The following NINL variants were observed in gnomAD, a reference collection of about 807,000 sequenced individuals.
NINL encodes the protein ninein-like protein.
In NINL, 153 loss-of-function variants were observed where a neutral mutation model predicts 160.3. The ratio of observed to expected loss-of-function variants is 0.95; its 90% CI spans 0.84 to 1.09. The LOEUF is 1.09. Ranked by LOEUF, NINL falls within the 50% of genes least tolerant of loss-of-function variation. The pLI is 0.00. For missense variants in NINL, 1,829 were observed against 1,764.0 expected, an observed-to-expected ratio of 1.04 and a Z score of -0.66; for synonymous variants, 800 against 734.8, an observed-to-expected ratio of 1.09 and a Z score of -1.43.
chr20:25,495,729 G>C (rs949541124), intron 10 of NINL, among the ~76,000 whole-genome samples: 2 of 152,208 alleles, frequency 1.3e-5, no homozygotes, highest in Non-Finnish European at 2.9e-5. Context: ...GCAGACATGT[G>C]CCCCACCAAT....
At chr20:25,467,303 C>T (rs1428510690) in intron 19 of NINL, 86 bp downstream of exon 19, 5 of 1,187,870 alleles carry the variant, frequency 4.2e-6, no homozygotes, top group Admixed American at 1.7e-5. Flanking sequence ...ATATTCTCTA[C>T]TTCCTTTTGT....
chr20:25,538,551 G>A (rs929146389), intron 1 of NINL, among the ~76,000 whole-genome samples: 3 of 152,228 alleles, frequency 2.0e-5, no homozygotes, highest in Non-Finnish European at 2.9e-5. Context: ...GGGCAGACAT[G>A]GTCCTAGGCT....
intron 1 of NINL, among the ~76,000 whole-genome samples, chr20:25,545,360 A>G (rs2064718935): frequency 1.3e-5 from 2 of 152,176 alleles, no homozygotes; most frequent in South Asian, 4.1e-4. Context: ...TGTAATCAAC[A>G]TTATCAGTGT....
In NINL at chr20:25,573,857, C is replaced by T. The variant is rs139661897; in HGVS notation, c.-12+11598G>A. On this transcript the variant is annotated intron_variant, in intron 1 of 23. Transcript: ENST00000278886. ...GAGACCTGAAAAGTTTCCAACATGGCGGTGACTAGGGACCCTGGAGCAGAC... is the reference window on the plus strand; with the variant it reads ...GAGACCTGAAAAGTTTCCAACATGGTGGTGACTAGGGACCCTGGAGCAGAC... 2.7e-3 allele frequency among the ~76,000 whole-genome samples: 417 copies of T among 152,272 alleles called. 1 individual carries two copies. The highest frequency in any genetic ancestry group is 8.8e-3 in the African/African-American group (365 of 41,558).
At chr20:25,562,200 G>A (rs1384357230) in intron 1 of NINL, among the ~76,000 whole-genome samples, 87 of 132,036 alleles carry the variant, frequency 6.6e-4, no homozygotes, top group African/African-American at 2.4e-3. Flanking sequence ...CCGGCCAGCC[G>A]CCCCGTCCGG....
chr20:25,480,976 G>A (rs1276625029), intron 14 of NINL, among the ~76,000 whole-genome samples: 1 of 152,178 alleles, frequency 6.6e-6, no homozygotes, highest in East Asian at 1.9e-4. Context: ...AGCTGTTGGG[G>A]TGGCGCCTCA....
intron 13 of NINL, among the ~76,000 whole-genome samples, chr20:25,483,196 T>C (rs2063432917): frequency 6.6e-6 from 1 of 151,496 alleles, no homozygotes; most frequent in African/African-American, 2.4e-5. Context: ...TAGCCAGGCG[T>C]GGTGGTGGGC....
rs1357184820 is a variant in NINL, at chr20:25,476,293, G to A, written c.2998C>T (p.Arg1000Trp). 8 of 1,613,266 alleles carry A rather than the reference G, an allele frequency of 5.0e-6. No individual in the cohort carries two copies. The Admixed American group carries it at 5.0e-5, about 10-fold the overall frequency. ...CCAGGCTCCAGGGCGCCCTCGGCCCGGGCCTGCTGCTCCGAGGCCTGCTCC... is the reference window on the plus strand; with the variant it reads ...CCAGGCTCCAGGGCGCCCTCGGCCCAGGCCTGCTGCTCCGAGGCCTGCTCC... ...TQEQASEQQA[R>W]AEGALEPGCH... is the part of the protein sequence containing the mutation. Residue 1000 changes from arginine to tryptophan, a missense_variant, in exon 17 of 24, where the codon CGG (arginine) becomes TGG (tryptophan). Arg to Trp is a moderately radical substitution (Grantham distance 101). Transcript: ENST00000278886.
Position 25,462,523 on chromosome 20 carries a change from G to T in NINL, c.3442C>A (p.Gln1148Lys). The change falls in exon 20 of 24, where the codon CAA becomes AAA. Residue 1148 changes from glutamine (Q) to lysine (K), a missense_variant. Gln to Lys is a moderately conservative substitution (Grantham distance 53). Coordinates refer to ENST00000278886, the MANE Select transcript of NINL (RefSeq NM_025176.6). ...ACCCTGACATTGAGCTGGGATAATT[G>T]ATCCTTGTAGTTCTGATTCTGGGGG... ...LNRQNQNYKD[Q>K]LSQLNVRVLQ... is the part of the protein sequence containing the mutation. 1 of 1,613,370 alleles carries T rather than the reference G, an allele frequency of 6.2e-7. No individual in the cohort carries two copies. Among genetic ancestry groups the T allele is most frequent in the Non-Finnish European group, 8.5e-7 (1 of 1,179,860 alleles).
chr20:25,496,277 C>A (rs530434567), intron 10 of NINL, among the ~76,000 whole-genome samples: 25 of 152,376 alleles, frequency 1.6e-4, no homozygotes, highest in African/African-American at 4.8e-4. Flanking sequence ...CTTCTCTGGG[C>A]TCCTTCTACC....
intron 11 of NINL, among the ~76,000 whole-genome samples, 155 bp from the exon 12 acceptor site, chr20:25,490,140 T>C (rs1015780983): frequency 9.2e-5 from 14 of 152,206 alleles, no homozygotes; most frequent in Non-Finnish European, 1.6e-4. Context: ...CAGGCGGCTG[T>C]GCCGGGGATG....
At position 25,458,367 on chromosome 20, in the gene NINL, C is replaced by T. The variant is rs777763951; in HGVS notation, c.3843+16G>A. Reference sequence around the variant, plus strand: ...TCCTCATCTCGTCAGCCATCTCTCGCTGCATCCCCACTTACCCGCTGTGCA... The same window carrying T: ...TCCTCATCTCGTCAGCCATCTCTCGTTGCATCCCCACTTACCCGCTGTGCA... On this transcript the variant is annotated intron_variant, in intron 22 of 23. Coordinates refer to ENST00000278886, the MANE Select transcript of NINL (RefSeq NM_025176.6). 11 of 1,604,804 alleles carry T rather than the reference C, an allele frequency of 6.9e-6. No individual in the cohort carries two copies. In the South Asian group the frequency reaches 1.2e-4, roughly 18 times the overall value.
chr20:25,527,213 G>A (rs750598691), intron 1 of NINL, among the ~76,000 whole-genome samples: 2 of 151,716 alleles, frequency 1.3e-5, no homozygotes, highest in Non-Finnish European at 2.9e-5. Context: ...GAGTGCAGTA[G>A]CGTAATCTCA....
chr20:25,585,132 G>A (rs534432757), intron 1 of NINL, among the ~76,000 whole-genome samples: 1 of 152,154 alleles, frequency 6.6e-6, no homozygotes, highest in Admixed American at 6.5e-5. Flanking sequence ...GCCTCAGGCC[G>A]AGCCTTGGGG....
intron 8 of NINL, among the ~76,000 whole-genome samples, chr20:25,500,537 A>T (rs975231711): frequency 6.6e-6 from 1 of 152,216 alleles, no homozygotes; most frequent in African/African-American, 2.4e-5. Flanking sequence ...CTTTCCATTC[A>T]TCTAACCTCC....
intron 10 of NINL, among the ~76,000 whole-genome samples, chr20:25,495,077 C>T (rs1207700869): frequency 6.6e-6 from 1 of 152,134 alleles, no homozygotes; most frequent in Non-Finnish European, 1.5e-5. Context: ...GAGGCGACCC[C>T]TGGTGCACAC....
intron 12 of NINL, 149 bp downstream of exon 12, chr20:25,489,726 G>A: frequency 6.1e-6 from 4 of 654,486 alleles, no homozygotes; most frequent in Non-Finnish European, 1.1e-5. Context: ...GCAGAGGGAA[G>A]GCCTCATGCT....
intron 1 of NINL, among the ~76,000 whole-genome samples, chr20:25,553,338 G>A (rs1366114310): frequency 2.0e-5 from 3 of 152,030 alleles, no homozygotes; most frequent in Non-Finnish European, 2.9e-5. Context: ...AAATCCAAAG[G>A]TTGGGGAAAT....
At chr20:25,487,165 G>A (rs893552594) in intron 13 of NINL, among the ~76,000 whole-genome samples, 2 of 152,146 alleles carry the variant, frequency 1.3e-5, no homozygotes, top group African/African-American at 2.4e-5. Context: ...ATCATCACCC[G>A]TTCATATAGC....
Sources: gnomAD v4.1 joint callset for allele counts (sites outside exome capture counted in the v4.1 genomes callset) on GRCh38, gnomAD v4.1.1 for gene constraint, MANE v1.5 for transcripts, NCBI Gene and HGNC (gene_info 2026-07-23, HGNC 2026-07-21) for gene names.